The following LRRC4C variants were observed in gnomAD, a reference collection of about 807,000 sequenced individuals.
The protein encoded by LRRC4C is leucine rich repeat containing 4C.
In LRRC4C, 5 loss-of-function variants were observed where a neutral mutation model predicts 33.6. That is an observed-to-expected ratio of 0.15 (90% CI 0.08 to 0.31). LRRC4C has a LOEUF of 0.31. Ranked by LOEUF, LRRC4C falls within the 10% of genes least tolerant of loss-of-function variation. LRRC4C has a pLI of 1.00. For missense variants in LRRC4C, 560 were observed against 796.7 expected, an observed-to-expected ratio of 0.70 and a Z score of 3.58; for synonymous variants, 329 against 302.0, an observed-to-expected ratio of 1.09 and a Z score of -0.93.
At chr11:40,532,847 C>T (rs1956324275) in intron 3 of LRRC4C, among the ~76,000 whole-genome samples, 1 of 152,110 alleles carries the variant, frequency 6.6e-6, no homozygotes, top group Non-Finnish European at 1.5e-5. Context: ...AACTGACTCA[C>T]AGTTTCGCAT....
chr11:40,597,191 ATGTCTGTCTTC>A (rs1438932944), intron 3 of LRRC4C, among the ~76,000 whole-genome samples: 1 of 152,114 alleles, frequency 6.6e-6, no homozygotes, highest in African/African-American at 2.4e-5. Context: ...ATTTGGTAAC[ATGTCTGTCTTC>A]TGTTTGGCAT....
At chr11:40,782,559 T>A (rs547173147) in intron 2 of LRRC4C, among the ~76,000 whole-genome samples, 43 of 152,290 alleles carry the variant, frequency 2.8e-4, no homozygotes, top group Admixed American at 4.6e-4. Flanking sequence ...ACTCTTGGCC[T>A]TCCACTAGAG....
intron 4 of LRRC4C, among the ~76,000 whole-genome samples, chr11:40,287,445 C>T (rs191398640): frequency 4.6e-5 from 7 of 152,156 alleles, no homozygotes; most frequent in Non-Finnish European, 8.8e-5. Flanking sequence ...GTTTCTCAGA[C>T]GAAGTTCATT....
chr11:40,780,781 TAA>T (rs1013322985), intron 2 of LRRC4C, among the ~76,000 whole-genome samples: 1 of 137,980 alleles, frequency 7.2e-6, no homozygotes, highest in African/African-American at 2.7e-5. Flanking sequence ...TGAAAACTGA[TAA>T]GAGGCTTTTT....
intron 5 of LRRC4C, among the ~76,000 whole-genome samples, chr11:40,205,976 ATATTT>A (rs1443143016): frequency 2.0e-5 from 3 of 152,122 alleles, no homozygotes; most frequent in African/African-American, 7.2e-5. Context: ...TTCACAACAT[ATATTT>A]TATTTGTATC....
intron 1 of LRRC4C, among the ~76,000 whole-genome samples, chr11:41,220,873 T>C (rs1026068042): frequency 6.6e-6 from 1 of 152,212 alleles, no homozygotes; most frequent in East Asian, 1.9e-4. Flanking sequence ...TGGGAATATA[T>C]AGAAATGAAT....
Position 40,353,754 on chromosome 11 carries a change from G to A in LRRC4C, c.-269-34033C>T, listed in dbSNP as rs72895011. Among the ~76,000 whole-genome samples, 1,123 of 152,178 alleles carry A rather than the reference G, an allele frequency of 7.4e-3. 7 individuals are homozygous for A. The highest frequency in any genetic ancestry group is 1.0e-2 in the Non-Finnish European group (679 of 68,012). On this transcript the variant is annotated intron_variant, in intron 3 of 6. Coordinates refer to ENST00000528697, the MANE Select transcript of LRRC4C (RefSeq NM_001258419.2). The stretch of plus-strand genomic sequence containing the variant: ...ATCTCTTTATTAAATTTATTTGATA[G>A]GATTTCGAATTACTTCTCTCTGTTA...
intron 3 of LRRC4C, among the ~76,000 whole-genome samples, chr11:40,616,059 A>G (rs1961786501): frequency 1.3e-5 from 2 of 152,038 alleles, no homozygotes; most frequent in Admixed American, 6.6e-5. Flanking sequence ...AAACAAATTT[A>G]CAAGAAAAAA....
At chr11:40,529,119 T>G (rs940496261) in intron 3 of LRRC4C, among the ~76,000 whole-genome samples, 1 of 152,132 alleles carries the variant, frequency 6.6e-6, no homozygotes, top group African/African-American at 2.4e-5. Context: ...AGCACTATAG[T>G]GTGTTATACA....
chr11:40,918,688 A>T (rs1474139178), intron 2 of LRRC4C, among the ~76,000 whole-genome samples: 1 of 152,144 alleles, frequency 6.6e-6, no homozygotes, highest in East Asian at 1.9e-4. Flanking sequence ...ATCTTTGAGC[A>T]TGTCTTAAAA....
chr11:40,653,788 G>C (rs947642673), intron 2 of LRRC4C, among the ~76,000 whole-genome samples: 7 of 152,166 alleles, frequency 4.6e-5, no homozygotes, highest in Admixed American at 4.6e-4. Context: ...AATATCTCCA[G>C]GGCATGTCAG....
At chr11:40,373,755 G>C (rs1041994143) in intron 3 of LRRC4C, among the ~76,000 whole-genome samples, 13 of 152,044 alleles carry the variant, frequency 8.6e-5, no homozygotes, top group African/African-American at 3.1e-4. Flanking sequence ...AAGGAGCTTG[G>C]CTCCTACTCC....
intron 3 of LRRC4C, among the ~76,000 whole-genome samples, chr11:40,635,174 G>A (rs903443835): frequency 6.6e-6 from 1 of 152,146 alleles, no homozygotes; most frequent in East Asian, 1.9e-4. Flanking sequence ...ATATTTACCA[G>A]CCCTTTCTTA....
chr11:40,993,598 A>G (rs951055334), intron 1 of LRRC4C, among the ~76,000 whole-genome samples: 3 of 152,182 alleles, frequency 2.0e-5, no homozygotes, highest in Admixed American at 6.6e-5. Context: ...ACAGTTAAAA[A>G]TTTCAGGTTT....
intron 1 of LRRC4C, among the ~76,000 whole-genome samples, chr11:41,437,937 C>T (rs1440831872): frequency 6.6e-6 from 1 of 151,934 alleles, no homozygotes; most frequent in African/African-American, 2.4e-5. Context: ...ATGTGGGAGG[C>T]TGAGGAAGGA....
intron 1 of LRRC4C, among the ~76,000 whole-genome samples, chr11:41,327,291 T>C (rs1295592973): frequency 2.0e-5 from 3 of 152,196 alleles, no homozygotes; most frequent in Non-Finnish European, 2.9e-5. Context: ...GAGAGCAGCG[T>C]GAGCCTTGGA....
At chr11:40,476,342 C>CTTTCTTTTT (rs1555074955) in intron 3 of LRRC4C, among the ~76,000 whole-genome samples, 88 of 81,356 alleles carry the variant, frequency 1.1e-3, no homozygotes, top group Admixed American at 1.8e-3. Context: ...TTTTTTTCTT[C>CTTTCTTTTT]TTTTTTTTTT....
At chr11:40,972,055 C>T (rs1387675734) in intron 1 of LRRC4C, among the ~76,000 whole-genome samples, 2 of 151,484 alleles carry the variant, frequency 1.3e-5, no homozygotes, top group African/African-American at 4.9e-5. Flanking sequence ...CTAGCCTTTT[C>T]TTAAATGAGA....
chr11:40,957,639 G>C (rs1378251934), intron 1 of LRRC4C, among the ~76,000 whole-genome samples: 1 of 151,746 alleles, frequency 6.6e-6, no homozygotes, highest in Non-Finnish European at 1.5e-5. Flanking sequence ...GGACAAAAGA[G>C]ATGGTACTAG....
Sources: allele counts gnomAD v4.1 joint callset (sites outside exome capture counted in the v4.1 genomes callset), GRCh38; gene constraint gnomAD v4.1.1; transcripts MANE v1.5; gene names NCBI Gene and HGNC (gene_info 2026-07-23, HGNC 2026-07-21).